The following STX11 variants were observed in gnomAD, a reference collection of about 807,000 sequenced individuals.
The protein encoded by STX11 is syntaxin-11.
In STX11, 21 loss-of-function variants were observed where a neutral mutation model predicts 19.9. The ratio of observed to expected loss-of-function variants is 1.06; its 90% confidence interval spans 0.75 to 1.52. The LOEUF (loss-of-function observed/expected upper bound fraction) is 1.52, where lower values mean the gene tolerates loss of function less well. Ranked by LOEUF, STX11 falls within the 40% of genes most tolerant of loss-of-function variation. STX11 has a pLI of 0.00. For synonymous variants in STX11, 193 were observed against 174.4 expected (o/e 1.11, Z -0.84); for missense variants, 438 against 405.9 (o/e 1.08, Z -0.68).
Position 144,187,866 on chromosome 6 carries a change from A to G in STX11, c.*375A>G, listed in dbSNP as rs1010012472. ...GGAGGAAGTCAATTGGGCATCTGCT[A>G]ATAGAATGAACTCATGATGGAAACT... On this transcript the variant is annotated 3_prime_UTR_variant, in exon 2 of 2. Transcript: ENST00000367568. This position sits in a 1 kb window ranked among gnomAD's most constrained non-coding sequence, Gnocchi z 5.6. The G allele has an allele frequency of 1.3e-5, 5 of 384,748 alleles. No homozygotes were observed. Among genetic ancestry groups the G allele is most frequent in the African/African-American group, 1.0e-4 (5 of 49,496 alleles). 23.8% of individuals were successfully genotyped at this position (384,748 alleles called of 1,614,324 possible). A position where few individuals can be genotyped will look rare whatever the true frequency, so the allele number is the denominator to read the frequency against.
In STX11 at chr6:144,169,756, G is replaced by A. The variant is rs999471965; in HGVS notation, c.-5-16867G>A. 2.7e-5 allele frequency among the ~76,000 whole-genome samples: 4 copies of A among 147,266 alleles called. No homozygotes were observed. Among genetic ancestry groups the A allele is most frequent in the Non-Finnish European group, 6.0e-5 (4 of 67,048 alleles). On this transcript the variant is annotated intron_variant, in intron 1 of 1. Coordinates refer to ENST00000367568, the MANE Select transcript of STX11 (RefSeq NM_003764.4). This position sits in a 1 kb window ranked among gnomAD's most constrained non-coding sequence, Gnocchi z 5.2. ...GCTGGAGTGCAGTGGCACAATCATA[G>A]CTCACTGCAGCCTCAAACTCCTGGG...
Position 144,187,701 on chromosome 6 carries a change from G to A in STX11, c.*210G>A. 1.5e-6 allele frequency: 1 copy of A among 672,640 alleles called. No homozygotes were observed. Among genetic ancestry groups the A allele is most frequent in the Non-Finnish European group, 2.6e-6 (1 of 389,114 alleles). The allele number at this position is 672,640 out of a possible 1,614,324, so 41.7% of individuals were successfully genotyped here. On this transcript the variant is annotated 3_prime_UTR_variant, in exon 2 of 2. Coordinates refer to ENST00000367568, the MANE Select transcript of STX11 (RefSeq NM_003764.4). This position sits in a 1 kb window ranked among gnomAD's most constrained non-coding sequence, Gnocchi z 5.6. ...TACCGTCCGATGATTCTTCAGTAAA[G>A]ATAGATTCCCACAAAGTTGTGCAAT...
chr6:144,149,075 C>T (rs918961669), upstream of STX11, among the ~76,000 whole-genome samples: 1 of 152,210 alleles, frequency 6.6e-6, no homozygotes, highest in Non-Finnish European at 1.5e-5. The surrounding 1 kb of genome is among the most constrained non-coding windows in gnomAD (Gnocchi z 5.1). Flanking sequence ...GACTACATGC[C>T]ATCAATGAGT....
Position 144,176,234 on chromosome 6 carries a change from A to C in STX11, c.-5-10389A>C, listed in dbSNP as rs527411949. ...TCCCCACACTAGCGCCTCCCACCCTAACTCCCCCAACAGCTTCAGTGCATG... is the reference window on the plus strand; with the variant it reads ...TCCCCACACTAGCGCCTCCCACCCTCACTCCCCCAACAGCTTCAGTGCATG... On this transcript the variant is annotated intron_variant, in intron 1 of 1. Coordinates refer to ENST00000367568, the MANE Select transcript of STX11 (RefSeq NM_003764.4). This position sits in a 1 kb window ranked among gnomAD's most constrained non-coding sequence, Gnocchi z 4.1. Among the ~76,000 whole-genome samples the C allele has an allele frequency of 6.6e-6, 1 of 152,022 alleles. No individual in the cohort carries two copies. Among genetic ancestry groups the C allele is most frequent in the Non-Finnish European group, 1.5e-5 (1 of 68,022 alleles).
Position 144,191,190 on chromosome 6 carries a change from A to C in STX11, c.*3699A>C, listed in dbSNP as rs1238509932. ...CTACTAGCCAAATATCAAATTTTAC[A>C]ACTACCACCAAGCCACAGATTATAG... On this transcript the variant is annotated 3_prime_UTR_variant, in exon 2 of 2. Coordinates refer to ENST00000367568, the MANE Select transcript of STX11 (RefSeq NM_003764.4). 6.7e-6 allele frequency among the ~76,000 whole-genome samples: 1 copy of C among 149,898 alleles called. No individual in the cohort carries two copies. The highest frequency in any genetic ancestry group is 6.7e-5 in the Admixed American group (1 of 14,898).
rs566785835 is a variant in STX11, at chr6:144,177,578, C to T, written c.-5-9045C>T. ...CCTGGCCAATATAGTGAAACCCCAT[C>T]TCTACTAAAAACACACAAAAAATTA... is the stretch of plus-strand genomic sequence containing the variant. On this transcript the variant is annotated intron_variant, in intron 1 of 1. Coordinates refer to ENST00000367568, the MANE Select transcript of STX11 (RefSeq NM_003764.4). This position sits in a 1 kb window ranked among gnomAD's most constrained non-coding sequence, Gnocchi z 4.4. Among the ~76,000 whole-genome samples the T allele has an allele frequency of 6.6e-6, 1 of 152,294 alleles. No individual in the cohort carries two copies. The highest frequency in any genetic ancestry group is 1.5e-5 in the Non-Finnish European group (1 of 68,018).
rs986462838 is a variant in STX11, at chr6:144,176,221, C to A, written c.-5-10402C>A. 1.3e-5 allele frequency among the ~76,000 whole-genome samples: 2 copies of A among 152,096 alleles called. No individual in the cohort carries two copies. Among genetic ancestry groups the A allele is most frequent in the African/African-American group, 4.8e-5 (2 of 41,396 alleles). Reference sequence around the variant, plus strand: ...CCGACCTAGTACCTCCCCACACTAGCGCCTCCCACCCTAACTCCCCCAACA... The same window carrying A: ...CCGACCTAGTACCTCCCCACACTAGAGCCTCCCACCCTAACTCCCCCAACA... On this transcript the variant is annotated intron_variant, in intron 1 of 1. Transcript: ENST00000367568. The surrounding 1 kb of genome is among the most constrained non-coding windows in gnomAD (Gnocchi z 4.1).
At position 144,167,564 on chromosome 6, in the gene STX11, G is replaced by A. The variant is rs1350791744; in HGVS notation, c.-6+16861G>A. Among the ~76,000 whole-genome samples, 1 of 152,200 alleles carries A rather than the reference G, an allele frequency of 6.6e-6. No homozygotes were observed. Among genetic ancestry groups the A allele is most frequent in the Non-Finnish European group, 1.5e-5 (1 of 68,034 alleles). On this transcript the variant is annotated intron_variant, in intron 1 of 1. Coordinates refer to ENST00000367568, the MANE Select transcript of STX11 (RefSeq NM_003764.4). This position sits in a 1 kb window ranked among gnomAD's most constrained non-coding sequence, Gnocchi z 5.0. ...CTTGCTTGGTATCACCATCATTCCT[G>A]ACTCTGAATTTACATGCTGCTGATA... is the stretch of plus-strand genomic sequence containing the variant.
intron 1 of STX11, among the ~76,000 whole-genome samples, chr6:144,158,382 G>T (rs1801233374): frequency 1.3e-5 from 2 of 152,142 alleles, no homozygotes; most frequent in African/African-American, 4.8e-5. Context: ...TCCCTGGCTT[G>T]GCCTTATACT....
At position 144,188,954 on chromosome 6, in the gene STX11, C is replaced by T. The variant is rs191132625; in HGVS notation, c.*1463C>T. Among the ~76,000 whole-genome samples the T allele has an allele frequency of 3.1e-3, 469 of 152,102 alleles. 1 individual carries two copies. The highest frequency in any genetic ancestry group is 4.1e-3 in the Non-Finnish European group (276 of 67,966). The stretch of plus-strand genomic sequence containing the variant: ...TGTTAGCCAGGATGGTCTTGATCTC[C>T]TGACCTCGTGATCCGCCCGCCTCAG... On this transcript the variant is annotated 3_prime_UTR_variant, in exon 2 of 2. Coordinates refer to ENST00000367568, the MANE Select transcript of STX11 (RefSeq NM_003764.4).
rs1007834437 is a variant in STX11, at chr6:144,186,319, AATAT to A, written c.-5-298_-5-295del. ...TACCCTAGAACTTAAAGTATAATAA[AATAT>A]ATATAAATAAATAAATAAATAAATA... On this transcript the variant is annotated intron_variant, in intron 1 of 1. Coordinates refer to ENST00000367568, the MANE Select transcript of STX11 (RefSeq NM_003764.4). 2.1e-4 allele frequency among the ~76,000 whole-genome samples: 22 copies of A among 105,532 alleles called. No homozygotes were observed. In the East Asian group the frequency reaches 3.2e-3, roughly 16 times the overall value. The allele number at this position is 105,532 out of a possible 152,430, so 69.2% of individuals were successfully genotyped here. A position where few individuals can be genotyped will look rare whatever the true frequency, so the allele number is the denominator to read the frequency against.
the STX11 span, among the ~76,000 whole-genome samples, chr6:144,140,209 C>CATAAATAT: frequency 4.5e-5 from 2 of 44,472 alleles, no homozygotes; most frequent in African/African-American, 1.8e-4. Context: ...GGTCAATTCA[C>CATAAATAT]ATATATATAT....
In STX11 at chr6:144,189,587, G is replaced by C. The variant is rs902492117; in HGVS notation, c.*2096G>C. Among the ~76,000 whole-genome samples the C allele has an allele frequency of 6.6e-6, 1 of 152,190 alleles. No individual in the cohort carries two copies. The highest frequency in any genetic ancestry group is 2.1e-4 in the South Asian group (1 of 4,834). On this transcript the variant is annotated 3_prime_UTR_variant, in exon 2 of 2. Transcript: ENST00000367568. ...TAATCATTATTTAATACATGAGTGA[G>C]TTTAGTAGTGATCATATTTCTCAGG...
chr6:144,158,429 G>A (rs1442518973), intron 1 of STX11, among the ~76,000 whole-genome samples: 1 of 152,198 alleles, frequency 6.6e-6, no homozygotes, highest in African/African-American at 2.4e-5. Context: ...CAAATTTTTT[G>A]AATAGTTGCA....
intron 1 of STX11, among the ~76,000 whole-genome samples, chr6:144,171,774 C>A (rs1018804168): frequency 1.3e-5 from 2 of 151,310 alleles, no homozygotes; most frequent in South Asian, 4.2e-4. Context: ...AACAAACAAA[C>A]AAAAAAGAAG....
chr6:144,158,871 A>G (rs1224161022), intron 1 of STX11, among the ~76,000 whole-genome samples: 1 of 152,172 alleles, frequency 6.6e-6, no homozygotes, highest in Non-Finnish European at 1.5e-5. Context: ...TGTTTCTTAC[A>G]CTTTCCAGGC....
intron 1 of STX11, among the ~76,000 whole-genome samples, chr6:144,179,558 G>A (rs1312387195): frequency 6.6e-6 from 1 of 152,162 alleles, no homozygotes; most frequent in African/African-American, 2.4e-5. Context: ...GGATGTGTGG[G>A]CAGGAGGGAC....
At chr6:144,171,166 C>A (rs747297135) in intron 1 of STX11, among the ~76,000 whole-genome samples, 2 of 152,176 alleles carry the variant, frequency 1.3e-5, no homozygotes, top group Non-Finnish European at 2.9e-5. Flanking sequence ...ACATAATTCC[C>A]CAGGCTTGAA....
intron 1 of STX11, among the ~76,000 whole-genome samples, chr6:144,181,462 G>T (rs541026601): frequency 1.3e-5 from 2 of 151,948 alleles, no homozygotes; most frequent in Non-Finnish European, 2.9e-5. Flanking sequence ...GGGCGTGGTG[G>T]TGCATGCCTG....
Sources: gnomAD v4.1 joint callset for allele counts (sites outside exome capture counted in the v4.1 genomes callset) on GRCh38, gnomAD v4.1.1 for gene constraint, Gnocchi (gnomAD v3.1) non-coding constraint, MANE v1.5 for transcripts, NCBI Gene and HGNC (gene_info 2026-07-23, HGNC 2026-07-21) for gene names.